DPYSL5: variants seen among roughly 807,000 people sequenced by gnomAD.
DPYSL5 encodes dihydropyrimidinase like 5, also known as dihydropyrimidinase-related protein 5.
In DPYSL5, 9 loss-of-function variants were observed where a neutral mutation model predicts 58.4. The observed-to-expected ratio is 0.15, with a 90% CI of 0.09 to 0.27. DPYSL5 has a LOEUF of 0.27. Among genes scored for constraint, DPYSL5 ranks in the 10% least tolerant of loss-of-function variants. DPYSL5 has a pLI of 1.00. For missense variants in DPYSL5, 499 were observed against 770.6 expected, an observed-to-expected ratio of 0.65 and a Z score of 4.17; for synonymous variants, 293 against 301.9, an observed-to-expected ratio of 0.97 and a Z score of 0.31.
intron 1 of DPYSL5, among the ~76,000 whole-genome samples, chr2:26,859,731 T>C (rs934041414): frequency 6.6e-6 from 1 of 152,224 alleles, no homozygotes; most frequent in African/African-American, 2.4e-5. Flanking sequence ...TGCAGAGAGA[T>C]GATTCGGTTA....
At chr2:26,860,193 T>C (rs1366213676) in intron 1 of DPYSL5, among the ~76,000 whole-genome samples, 2 of 152,226 alleles carry the variant, frequency 1.3e-5, no homozygotes, top group Non-Finnish European at 1.5e-5. Flanking sequence ...GTCCAGATGC[T>C]AAATTAGGTG....
At chr2:26,894,839 A>C (rs1483706664) in intron 1 of DPYSL5, among the ~76,000 whole-genome samples, 1 of 152,212 alleles carries the variant, frequency 6.6e-6, no homozygotes. Flanking sequence ...AGCAGAGGTC[A>C]AGATCTTCTG....
chr2:26,864,138 G>T (rs1328099515), intron 1 of DPYSL5, among the ~76,000 whole-genome samples: 1 of 152,190 alleles, frequency 6.6e-6, no homozygotes, highest in African/African-American at 2.4e-5. Context: ...CCAGCTACTT[G>T]GGAAGCTAAG....
chr2:26,891,373 G>A (rs1663875585), intron 1 of DPYSL5, among the ~76,000 whole-genome samples: 2 of 152,106 alleles, frequency 1.3e-5, no homozygotes, highest in African/African-American at 2.4e-5. Context: ...ACCAGCCCAG[G>A]CCTGCGTGAA....
At position 26,949,997 on chromosome 2, in the gene DPYSL5, T is replaced by G. The variant is rs1473952161; in HGVS notation, c.*3002T>G. 6.6e-6 allele frequency: 1 copy of G among 152,502 alleles called. No homozygotes were observed. Among genetic ancestry groups the G allele is most frequent in the African/African-American group, 2.4e-5 (1 of 41,440 alleles). The allele number at this position is 152,502 out of a possible 1,614,324, so 9.4% of individuals were successfully genotyped here. ...TTAAGTTGCCAGAAAATTGTGCTAC[T>G]GTGTGTGCGTGTGCGTGCGTGTGTG... On this transcript the variant is annotated 3_prime_UTR_variant, in exon 13 of 13. Coordinates refer to ENST00000288699, the MANE Select transcript of DPYSL5 (RefSeq NM_020134.4).
intron 5 of DPYSL5, 42 bp from the exon 6 acceptor site, chr2:26,931,598 G>A: frequency 6.2e-7 from 1 of 1,612,392 alleles, no homozygotes; most frequent in Non-Finnish European, 8.5e-7. Flanking sequence ...CCTTGGAGGA[G>A]ATGGTGAAGT....
At chr2:26,868,625 T>C (rs1381437429) in intron 1 of DPYSL5, among the ~76,000 whole-genome samples, 1 of 152,226 alleles carries the variant, frequency 6.6e-6, no homozygotes, top group Non-Finnish European at 1.5e-5. Context: ...TCACTTCTGT[T>C]GGATTTAATT....
chr2:26,923,908 C>T (rs956705784), intron 2 of DPYSL5, among the ~76,000 whole-genome samples: 2 of 152,192 alleles, frequency 1.3e-5, no homozygotes, highest in Non-Finnish European at 2.9e-5. Context: ...GATCCACCCA[C>T]CTCAGCCTCC....
At chr2:26,878,657 T>C (rs1482972772) in intron 1 of DPYSL5, among the ~76,000 whole-genome samples, 2 of 152,256 alleles carry the variant, frequency 1.3e-5, no homozygotes, top group Non-Finnish European at 2.9e-5. Flanking sequence ...GTACTGATGC[T>C]ACTTCTTTGC....
rs1161418548 is a variant in DPYSL5 at position 26,944,840 on chromosome 2, C to T, written c.1609+16C>T. 1 of 1,612,066 alleles carries T rather than the reference C, an allele frequency of 6.2e-7. No individual in the cohort carries two copies. The highest frequency in any genetic ancestry group is 8.5e-7 in the Non-Finnish European group (1 of 1,178,900). The stretch of plus-strand genomic sequence containing the variant: ...AGCCTCTCTGGTAAGAGTCAGGGGG[C>T]CACGGGAGGAGGATGGGGGTCTGGG... On this transcript the variant is annotated intron_variant, in intron 12 of 12. Transcript: ENST00000288699. The surrounding 1 kb of genome is among the most constrained non-coding windows in gnomAD (Gnocchi z 4.4).
intron 2 of DPYSL5, among the ~76,000 whole-genome samples, chr2:26,906,287 G>A (rs1028439621): frequency 2.6e-5 from 4 of 151,314 alleles, no homozygotes; most frequent in African/African-American, 4.9e-5. Context: ...AGGTTCAAGA[G>A]ATTCTCCTGC....
chr2:26,946,795 G>A, intron 12 of DPYSL5, 115 bp from the exon 13 acceptor site: 1 of 699,674 alleles, frequency 1.4e-6, no homozygotes, highest in Non-Finnish European at 2.5e-6. Flanking sequence ...ATGGGATGGA[G>A]TGGCTGTGAG....
intron 8 of DPYSL5, among the ~76,000 whole-genome samples, chr2:26,935,454 G>A (rs1404352667): frequency 2.0e-5 from 3 of 152,102 alleles, no homozygotes; most frequent in Non-Finnish European, 4.4e-5. Context: ...TTGGGAGGCC[G>A]AGGTGGGTGG....
chr2:26,946,564 A>G (rs908797246), intron 12 of DPYSL5, among the ~76,000 whole-genome samples: 5 of 152,264 alleles, frequency 3.3e-5, no homozygotes, highest in African/African-American at 1.2e-4. Context: ...TCACTGAGGC[A>G]TATGTACAAA....
chr2:26,904,960 C>A (rs1362869659), intron 2 of DPYSL5, among the ~76,000 whole-genome samples: 1 of 152,146 alleles, frequency 6.6e-6, no homozygotes, highest in East Asian at 1.9e-4. Context: ...ATCCCAGGGC[C>A]AGTTGGACCA....
rs572206914 is a variant in DPYSL5 at position 26,904,356 on chromosome 2, A to G, written c.261+5596A>G. 3.9e-5 allele frequency among the ~76,000 whole-genome samples: 6 copies of G among 152,354 alleles called. No homozygotes were observed. The East Asian group carries it at 7.7e-4, about 20-fold the overall frequency. ...AATGCGCTCTCGTGGAATGAAGCCT[A>G]TAAATGTGGCTCACTTCCTTTCTTC... On this transcript the variant is annotated intron_variant, in intron 2 of 12. Coordinates refer to ENST00000288699, the MANE Select transcript of DPYSL5 (RefSeq NM_020134.4).
chr2:26,866,469 AACACAC>A (rs57210677), intron 1 of DPYSL5, among the ~76,000 whole-genome samples: 6 of 148,636 alleles, frequency 4.0e-5, no homozygotes, highest in South Asian at 4.3e-4. Flanking sequence ...TCATTATGCA[AACACAC>A]ACACACACAC....
chr2:26,936,060 C>T (rs1665166236), intron 8 of DPYSL5, among the ~76,000 whole-genome samples: 1 of 152,218 alleles, frequency 6.6e-6, no homozygotes, highest in African/African-American at 2.4e-5. Context: ...CAGCTCTGTT[C>T]TCCACAAGTG....
At chr2:26,892,175 A>C (rs953803101) in intron 1 of DPYSL5, among the ~76,000 whole-genome samples, 1 of 152,176 alleles carries the variant, frequency 6.6e-6, no homozygotes, top group Non-Finnish European at 1.5e-5. Context: ...TTAATGGGCT[A>C]CTTGTTATTT....
Sources: gnomAD v4.1 joint callset for allele counts (sites outside exome capture counted in the v4.1 genomes callset) on GRCh38, gnomAD v4.1.1 for gene constraint, Gnocchi (gnomAD v3.1) non-coding constraint, MANE v1.5 for transcripts, NCBI Gene and HGNC (gene_info 2026-07-23, HGNC 2026-07-21) for gene names.